The following MAP3K7CL variants were observed in gnomAD, a reference collection of about 807,000 sequenced individuals.
The protein encoded by MAP3K7CL is MAP3K7 C-terminal like.
Under a neutral mutation model 18.6 loss-of-function variants are expected in MAP3K7CL, and 16 were observed. The ratio of observed to expected loss-of-function variants is 0.86; its 90% confidence interval spans 0.58 to 1.31. MAP3K7CL has a LOEUF of 1.31. Among genes scored for constraint, MAP3K7CL ranks in the 50% most tolerant of loss-of-function variants. The pLI is 0.00. For synonymous variants in MAP3K7CL, 65 were observed against 66.8 expected (o/e 0.97, Z 0.13); for missense variants, 163 against 174.4 (o/e 0.93, Z 0.37).
intron 4 of MAP3K7CL, among the ~76,000 whole-genome samples, chr21:29,101,225 G>C (rs929642717): frequency 1.3e-5 from 2 of 152,170 alleles, no homozygotes; most frequent in African/African-American, 4.8e-5. Context: ...ATTTACATGG[G>C]TGTGAAAAGC....
intron 4 of MAP3K7CL, among the ~76,000 whole-genome samples, chr21:29,164,724 C>T (rs2255055): frequency 0.28 from 42,767 of 152,034 alleles, 7,546 homozygotes; most frequent in Non-Finnish European, 0.37. Context: ...CAATGATGTA[C>T]GAGAGGTTTG....
chr21:29,087,589 CTTTTTTTTT>C (rs56775764), intron 1 of MAP3K7CL, among the ~76,000 whole-genome samples: 7 of 104,306 alleles, frequency 6.7e-5, no homozygotes, highest in African/African-American at 1.6e-4. Flanking sequence ...TTTTCTTTTT[CTTTTTTTTT>C]TTTTTTTTTT....
At chr21:29,084,819 C>G (rs996654207), upstream of MAP3K7CL, among the ~76,000 whole-genome samples, 2 of 152,166 alleles carry the variant, frequency 1.3e-5, no homozygotes, top group Non-Finnish European at 1.5e-5. Context: ...CATCATCACA[C>G]AGTGATTTTT....
Position 29,133,337 on chromosome 21 carries a change from G to A in MAP3K7CL, c.-8G>A. The A allele has an allele frequency of 1.3e-6, 2 of 1,550,452 alleles. No homozygotes were observed. Among genetic ancestry groups the A allele is most frequent in the Non-Finnish European group, 1.7e-6 (2 of 1,146,926 alleles). On this transcript the variant is annotated 5_prime_UTR_variant, in exon 2 of 5. It adds an upstream start codon to the 5' untranslated region. Coordinates refer to ENST00000399928, the MANE Select transcript of MAP3K7CL (RefSeq NM_001286620.2). Reference sequence around the variant, plus strand: ...GACCCAGGAGAAGGCGGAGGCTCAGGTGCCCACATGATCAGCACAGCCAGG... The same window carrying A: ...GACCCAGGAGAAGGCGGAGGCTCAGATGCCCACATGATCAGCACAGCCAGG...
chr21:29,136,340 C>T (rs776899860), intron 2 of MAP3K7CL, among the ~76,000 whole-genome samples: 12 of 152,026 alleles, frequency 7.9e-5, no homozygotes, highest in Non-Finnish European at 1.2e-4. Context: ...GCCTGCAGAC[C>T]ACACATTTAG....
chr21:29,155,338 T>C (rs797017616), intron 3 of MAP3K7CL, among the ~76,000 whole-genome samples: 1 of 152,142 alleles, frequency 6.6e-6, no homozygotes, highest in Non-Finnish European at 1.5e-5. Context: ...ATATATCTCC[T>C]GTGTGGGAAG....
At chr21:29,091,798 T>C in intron 3 of MAP3K7CL, 1 of 699,430 alleles carries the variant, frequency 1.4e-6, no homozygotes, top group Non-Finnish European at 2.6e-6. Context: ...CATTCTCAAA[T>C]ACATGATAGT....
At chr21:29,099,998 G>T (rs1211982536) in intron 4 of MAP3K7CL, among the ~76,000 whole-genome samples, 1 of 151,748 alleles carries the variant, frequency 6.6e-6, no homozygotes, top group Non-Finnish European at 1.5e-5. Flanking sequence ...CAGGAGAATG[G>T]CGTGAACCTG....
chr21:29,079,183 A>T (rs567268398), intron 1 of MAP3K7CL, among the ~76,000 whole-genome samples: 1 of 152,344 alleles, frequency 6.6e-6, no homozygotes, highest in Non-Finnish European at 1.5e-5. Context: ...ACAGCTTCCC[A>T]GGTGAGATCA....
chr21:29,094,431 T>C (rs887991658), intron 4 of MAP3K7CL, among the ~76,000 whole-genome samples: 8 of 152,238 alleles, frequency 5.3e-5, no homozygotes, highest in African/African-American at 1.9e-4. Context: ...GCCTAAGTAT[T>C]TGAATTTTTA....
intron 3 of MAP3K7CL, among the ~76,000 whole-genome samples, chr21:29,152,140 G>A (rs901416272): frequency 1.4e-4 from 21 of 152,168 alleles, no homozygotes; most frequent in African/African-American, 5.1e-4. Context: ...AGTTGTCAAG[G>A]CTTTTGGGTA....
intron 4 of MAP3K7CL, among the ~76,000 whole-genome samples, chr21:29,165,970 C>T (rs1025403817): frequency 1.3e-5 from 2 of 152,156 alleles, no homozygotes; most frequent in Non-Finnish European, 2.9e-5. Context: ...GTGTAATTAG[C>T]GTATTCATCT....
intron 4 of MAP3K7CL, among the ~76,000 whole-genome samples, chr21:29,164,945 C>T (rs1388413082): frequency 1.3e-5 from 2 of 151,920 alleles, no homozygotes; most frequent in African/African-American, 4.8e-5. Flanking sequence ...ATGATTTTTT[C>T]CGTAAATATT....
intron 1 of MAP3K7CL, chr21:29,080,773 C>T (rs1419077251): frequency 6.6e-6 from 1 of 151,886 alleles, no homozygotes; most frequent in African/African-American, 2.4e-5. Context: ...GCTTCTCTAG[C>T]CCATCAAGAA....
chr21:29,099,261 A>ATTTTTTTTTT (rs968362985), intron 4 of MAP3K7CL, among the ~76,000 whole-genome samples: 6 of 83,032 alleles, frequency 7.2e-5, no homozygotes, highest in Non-Finnish European at 6.5e-5. Context: ...CAGCTAATTG[A>ATTTTTTTTTT]TTTTTTTTTT....
At chr21:29,089,435 C>G (rs530349997) in intron 1 of MAP3K7CL, among the ~76,000 whole-genome samples, 5 of 152,186 alleles carry the variant, frequency 3.3e-5, no homozygotes, top group Non-Finnish European at 7.4e-5. Context: ...TGGGTTAATA[C>G]GTATTTGTGC....
chr21:29,102,479 T>TC (rs2086249825), intron 4 of MAP3K7CL: 1 of 79,892 alleles, frequency 1.3e-5, no homozygotes, highest in Admixed American at 1.3e-4. Context: ...CTCTCTCTCT[T>TC]TTTTTTTTTT....
At chr21:29,162,055 CT>C (rs1291661726) in intron 4 of MAP3K7CL, among the ~76,000 whole-genome samples, 11 of 152,244 alleles carry the variant, frequency 7.2e-5, no homozygotes, top group South Asian at 6.2e-4. Context: ...GCTTGGAATA[CT>C]CAGATTGCAT....
upstream of MAP3K7CL, among the ~76,000 whole-genome samples, chr21:29,084,462 T>A (rs117981336): frequency 1.1e-4 from 16 of 152,332 alleles, no homozygotes; most frequent in East Asian, 2.7e-3. Context: ...GCTTGATGGT[T>A]CAAATGCTTA....
Sources: allele counts gnomAD v4.1 joint callset (sites outside exome capture counted in the v4.1 genomes callset), GRCh38; gene constraint gnomAD v4.1.1; transcripts MANE v1.5; gene names NCBI Gene and HGNC (gene_info 2026-07-23, HGNC 2026-07-21).